The following EXOC4 variants were observed in gnomAD, a reference collection of about 807,000 sequenced individuals.
EXOC4 encodes SEC8-like 1.
Under a neutral mutation model 107.2 loss-of-function variants are expected in EXOC4, and 71 were observed. That is an observed-to-expected ratio of 0.66 (90% CI 0.55 to 0.81). EXOC4 has a LOEUF of 0.81. EXOC4 is among the 30% of genes least tolerant of loss of function. The pLI, the probability that EXOC4 is intolerant of heterozygous loss-of-function variation, is 0.00. For missense variants in EXOC4, 1,108 were observed against 1,189.6 expected (o/e 0.93, Z 1.01); for synonymous variants, 456 against 441.2 (o/e 1.03, Z -0.42).
intron 7 of EXOC4, among the ~76,000 whole-genome samples, chr7:133,427,028 A>C (rs1290005056): frequency 2.0e-5 from 3 of 152,178 alleles, no homozygotes; most frequent in African/African-American, 7.2e-5. Flanking sequence ...CTTAGCATCC[A>C]ATGTGACTCT....
intron 17 of EXOC4, among the ~76,000 whole-genome samples, chr7:134,011,935 A>G (rs1324082760): frequency 6.6e-6 from 1 of 152,166 alleles, no homozygotes; most frequent in Non-Finnish European, 1.5e-5. Context: ...GGAGCAAGCC[A>G]TGCAGCTATC....
At chr7:133,293,042 C>T (rs1023930757) in intron 3 of EXOC4, among the ~76,000 whole-genome samples, 2 of 152,112 alleles carry the variant, frequency 1.3e-5, no homozygotes, top group Admixed American at 1.3e-4. Flanking sequence ...ATGTATTGAG[C>T]ACTTACTATG....
chr7:133,633,866 G>C (rs888683443), intron 10 of EXOC4, among the ~76,000 whole-genome samples: 1 of 152,108 alleles, frequency 6.6e-6, no homozygotes, highest in East Asian at 1.9e-4. Context: ...TCCCTTTCAA[G>C]TGCGTAGGTC....
chr7:133,454,841 G>A (rs539894748), intron 7 of EXOC4, among the ~76,000 whole-genome samples: 9 of 152,252 alleles, frequency 5.9e-5, no homozygotes, highest in African/African-American at 1.7e-4. Context: ...GCACCTGTCT[G>A]TAATCCCAGC....
chr7:133,352,182 T>C (rs1033994967), intron 5 of EXOC4, among the ~76,000 whole-genome samples: 1 of 151,960 alleles, frequency 6.6e-6, no homozygotes. Context: ...TGTATGTGTC[T>C]GTTAGATCTA....
chr7:133,812,709 G>T (rs962710332), intron 10 of EXOC4, among the ~76,000 whole-genome samples: 9 of 152,070 alleles, frequency 5.9e-5, no homozygotes, highest in African/African-American at 2.2e-4. Flanking sequence ...ATTGAGCTAA[G>T]TAACATGTAT....
At chr7:133,883,387 A>G (rs1419167303) in intron 11 of EXOC4, among the ~76,000 whole-genome samples, 1 of 149,762 alleles carries the variant, frequency 6.7e-6, no homozygotes, top group Non-Finnish European at 1.5e-5. Flanking sequence ...CATGTCTGTA[A>G]TACCAGCATT....
intron 17 of EXOC4, among the ~76,000 whole-genome samples, chr7:134,038,796 G>A (rs1007340486): frequency 2.6e-5 from 4 of 152,146 alleles, no homozygotes; most frequent in African/African-American, 9.7e-5. Context: ...GTAACTAGGG[G>A]CTCTTGGAGC....
At chr7:133,826,830 T>C (rs1306112892) in intron 11 of EXOC4, among the ~76,000 whole-genome samples, 1 of 152,100 alleles carries the variant, frequency 6.6e-6, no homozygotes, top group Admixed American at 6.5e-5. Flanking sequence ...GTTTTAAATA[T>C]ACAAAAAATC....
At chr7:133,515,791 T>C (rs984301013) in intron 9 of EXOC4, among the ~76,000 whole-genome samples, 1 of 152,162 alleles carries the variant, frequency 6.6e-6, no homozygotes, top group Admixed American at 6.5e-5. Context: ...TTTAATCAAA[T>C]CAAGTTTTTA....
At chr7:133,298,135 GAA>G (rs1033207182) in intron 3 of EXOC4, among the ~76,000 whole-genome samples, 4 of 152,204 alleles carry the variant, frequency 2.6e-5, no homozygotes, top group African/African-American at 9.7e-5. Flanking sequence ...GCTTGTTAAA[GAA>G]GTCTATTTTC....
At chr7:133,571,450 G>A (rs1380936832) in intron 9 of EXOC4, among the ~76,000 whole-genome samples, 1 of 152,122 alleles carries the variant, frequency 6.6e-6, no homozygotes, top group Non-Finnish European at 1.5e-5. Flanking sequence ...TGAGGCAGGC[G>A]GATCACCTGA....
In EXOC4 at chr7:133,823,869, AT is replaced by A. The variant is rs1797609614; in HGVS notation, c.1734+6326del. ...TATATATATATATATATATATATATATATTATATATATATATATATATATTT... is the reference window on the plus strand; with the variant it reads ...TATATATATATATATATATATATATAATTATATATATATATATATATATTT... On this transcript the variant is annotated intron_variant, in intron 11 of 17. Transcript: ENST00000253861. 6.5e-4 allele frequency among the ~76,000 whole-genome samples: 6 copies of A among 9,184 alleles called. 1 individual carries two copies. Among genetic ancestry groups the A allele is most frequent in the African/African-American group, 1.8e-3 (2 of 1,098 alleles). The allele number at this position is 9,184 out of a possible 152,430, so 6.0% of individuals were successfully genotyped here. A position where few individuals can be genotyped will look rare whatever the true frequency, so the allele number is the denominator to read the frequency against.
At chr7:133,331,248 C>A (rs1332239585) in intron 5 of EXOC4, among the ~76,000 whole-genome samples, 1 of 151,928 alleles carries the variant, frequency 6.6e-6, no homozygotes, top group Non-Finnish European at 1.5e-5. Context: ...ATTTGCAATT[C>A]ACAGACAAGT....
At chr7:133,485,082 AAAAT>A (rs1277786673) in intron 9 of EXOC4, among the ~76,000 whole-genome samples, 32 of 85,416 alleles carry the variant, frequency 3.7e-4, no homozygotes, top group African/African-American at 1.1e-3. Flanking sequence ...TCCGTCTCAA[AAAAT>A]AAATAAATAA....
chr7:133,512,583 C>CT (rs1382300330), intron 9 of EXOC4, among the ~76,000 whole-genome samples: 4 of 152,046 alleles, frequency 2.6e-5, no homozygotes, highest in Non-Finnish European at 5.9e-5. Flanking sequence ...GTTGTGAAGG[C>CT]TCCCAGTGAA....
chr7:133,737,640 A>C (rs1795471350), intron 10 of EXOC4, among the ~76,000 whole-genome samples: 1 of 151,982 alleles, frequency 6.6e-6, no homozygotes, highest in African/African-American at 2.4e-5. Context: ...GCTGATTGTG[A>C]TGTATGTGAC....
intron 10 of EXOC4, among the ~76,000 whole-genome samples, chr7:133,807,802 A>G (rs1475886186): frequency 6.6e-6 from 1 of 152,204 alleles, no homozygotes; most frequent in African/African-American, 2.4e-5. Flanking sequence ...TTTCCAAATT[A>G]TATGCTTAAA....
At chr7:133,489,830 C>T (rs1799338152) in intron 9 of EXOC4, among the ~76,000 whole-genome samples, 4 of 152,208 alleles carry the variant, frequency 2.6e-5, no homozygotes, top group Admixed American at 2.6e-4. Context: ...TGCCTCCCAG[C>T]ATTTGTTCTC....
Sources: gnomAD v4.1 joint callset for allele counts (sites outside exome capture counted in the v4.1 genomes callset) on GRCh38, gnomAD v4.1.1 for gene constraint, MANE v1.5 for transcripts, NCBI Gene and HGNC (gene_info 2026-07-23, HGNC 2026-07-21) for gene names.